The following RANBP2 variants were observed in gnomAD, a reference collection of about 807,000 sequenced individuals.
RANBP2 encodes E3 SUMO-protein ligase RanBP2.
RANBP2 carries 57 observed loss-of-function variants against 303.6 expected under a neutral mutation model. The ratio of observed to expected loss-of-function variants is 0.19; its 90% CI spans 0.15 to 0.23. The LOEUF is 0.23. RANBP2 is among the 10% of genes least tolerant of loss of function. The pLI is 1.00. For synonymous variants in RANBP2, 1,167 were observed against 1,301.5 expected, an observed-to-expected ratio of 0.90 and a Z score of 2.23; for missense variants, 3,138 against 3,780.8, an observed-to-expected ratio of 0.83 and a Z score of 4.46.
At chr2:109,495,477 C>CTTTTTTTTTTT in the RANBP2 span, among the ~76,000 whole-genome samples, 20 of 94,280 alleles carry the variant, frequency 2.1e-4, no homozygotes, top group African/African-American at 4.1e-4. Flanking sequence ...TCTTTCATTC[C>CTTTTTTTTTTT]TTTTTTTTTT....
the RANBP2 span, among the ~76,000 whole-genome samples, chr2:109,009,783 G>A: frequency 1.9e-4 from 28 of 144,734 alleles, no homozygotes; most frequent in African/African-American, 7.4e-4. Flanking sequence ...TTGGGCTCAA[G>A]CCATTCTCCC....
the RANBP2 span, among the ~76,000 whole-genome samples, chr2:108,819,499 G>A: frequency 6.6e-6 from 1 of 152,024 alleles, no homozygotes; most frequent in African/African-American, 2.4e-5. Flanking sequence ...GCACGTAAGA[G>A]CTGCGGAGAT....
chr2:109,440,448 C>G, the RANBP2 span, among the ~76,000 whole-genome samples: 2 of 152,166 alleles, frequency 1.3e-5, no homozygotes, highest in African/African-American at 4.8e-5. Context: ...AGATGTTTAT[C>G]CTAAGGGGGC....
the RANBP2 span, among the ~76,000 whole-genome samples, chr2:108,803,500 T>C: frequency 6.6e-6 from 1 of 152,184 alleles, no homozygotes; most frequent in African/African-American, 2.4e-5. Flanking sequence ...TGGAGCGCAG[T>C]GGCTATGCAC....
the RANBP2 span, among the ~76,000 whole-genome samples, chr2:109,496,007 G>A: frequency 5.9e-5 from 9 of 152,170 alleles, no homozygotes; most frequent in South Asian, 2.1e-4. Flanking sequence ...ACAGACCTTC[G>A]CGGTGAAGAG....
chr2:109,473,541 G>A, the RANBP2 span, among the ~76,000 whole-genome samples: 3 of 152,226 alleles, frequency 2.0e-5, no homozygotes, highest in East Asian at 5.8e-4. Flanking sequence ...GCGACAGAGA[G>A]GAGAGAGAAA....
chr2:109,472,498 T>G, the RANBP2 span, among the ~76,000 whole-genome samples: 1 of 152,078 alleles, frequency 6.6e-6, no homozygotes, highest in African/African-American at 2.4e-5. Flanking sequence ...GAAGGACTTG[T>G]GGAAAGAAGA....
chr2:108,730,708 C>G (rs1203086752), intron 2 of RANBP2, 66 bp from the exon 3 acceptor site: 1 of 1,567,244 alleles, frequency 6.4e-7, no homozygotes. Context: ...AAGATGTATT[C>G]TTCGGTTAGC....
the RANBP2 span, among the ~76,000 whole-genome samples, chr2:109,700,917 G>A: frequency 6.6e-6 from 1 of 152,136 alleles, no homozygotes; most frequent in Non-Finnish European, 1.5e-5. Context: ...GGAGGAAAGC[G>A]GGGAGTTTAG....
chr2:109,473,377 G>A, the RANBP2 span, among the ~76,000 whole-genome samples: 9 of 152,252 alleles, frequency 5.9e-5, no homozygotes, highest in South Asian at 2.1e-4. Context: ...AGAATAGGGC[G>A]TGCTCTGAGG....
chr2:109,405,534 G>C, the RANBP2 span, among the ~76,000 whole-genome samples: 1 of 152,086 alleles, frequency 6.6e-6, no homozygotes, highest in East Asian at 1.9e-4. Flanking sequence ...ATTTCTCCCC[G>C]AAACTGCCGT....
chr2:108,972,094 T>C, the RANBP2 span, among the ~76,000 whole-genome samples: 51 of 152,258 alleles, frequency 3.3e-4, no homozygotes, highest in African/African-American at 1.2e-3. Flanking sequence ...GGAAGGACAC[T>C]GAGCCAGAAC....
the RANBP2 span, among the ~76,000 whole-genome samples, chr2:109,315,537 T>A: frequency 6.6e-6 from 1 of 152,226 alleles, no homozygotes. Context: ...CATCCGTTTT[T>A]GGTGTAAGCA....
the RANBP2 span, among the ~76,000 whole-genome samples, chr2:109,131,508 G>A: frequency 7.2e-5 from 11 of 152,088 alleles, no homozygotes; most frequent in African/African-American, 2.7e-4. Flanking sequence ...TGTGATATTC[G>A]GAGCCCCGCT....
chr2:109,410,312 T>G, the RANBP2 span, among the ~76,000 whole-genome samples: 1 of 152,218 alleles, frequency 6.6e-6, no homozygotes, highest in Non-Finnish European at 1.5e-5. Flanking sequence ...CATTCACCTG[T>G]GAGCTCTGTG....
chr2:109,366,123 T>C, the RANBP2 span, among the ~76,000 whole-genome samples: 2 of 152,182 alleles, frequency 1.3e-5, no homozygotes, highest in African/African-American at 4.8e-5. Flanking sequence ...TCTCCTAGAG[T>C]TATCCATTCT....
Position 108,783,684 on chromosome 2 carries a change from C to G in RANBP2, c.9458C>G (p.Thr3153Ser). The change falls in exon 29 of 29, where the codon ACT (threonine) becomes AGT (serine). Residue 3153 changes from threonine to serine, a missense_variant. By Grantham distance (58) the Thr-to-Ser change is moderately conservative (BLOSUM62 1). Coordinates refer to ENST00000283195, the MANE Select transcript of RANBP2 (RefSeq NM_006267.5). ...GATGAAAATTTTGATGTGAAACATACTGGTCCTGGTTTACTATCCATGGCC... is the reference window on the plus strand; with the variant it reads ...GATGAAAATTTTGATGTGAAACATAGTGGTCCTGGTTTACTATCCATGGCC... ...FEDENFDVKH[T>S]GPGLLSMANQ... The G allele has an allele frequency of 6.2e-7, 1 of 1,609,440 alleles. No individual in the cohort carries two copies. Among genetic ancestry groups the G allele is most frequent in the Non-Finnish European group, 8.5e-7 (1 of 1,175,802 alleles).
chr2:109,282,309 A>G, the RANBP2 span, among the ~76,000 whole-genome samples: 1 of 152,102 alleles, frequency 6.6e-6, no homozygotes, highest in Non-Finnish European at 1.5e-5. Context: ...CGTGTTCATA[A>G]TTGGTGCAAG....
the RANBP2 span, among the ~76,000 whole-genome samples, chr2:109,327,391 A>C: frequency 6.6e-6 from 1 of 152,142 alleles, no homozygotes; most frequent in East Asian, 1.9e-4. Flanking sequence ...TCTATTGTTG[A>C]TTAAACTATT....
Sources: gnomAD v4.1 joint callset for allele counts (sites outside exome capture counted in the v4.1 genomes callset) on GRCh38, gnomAD v4.1.1 for gene constraint, MANE v1.5 for transcripts, NCBI Gene and HGNC (gene_info 2026-07-23, HGNC 2026-07-21) for gene names.